Variants in SLC38A6 observed in about 807,000 individuals in gnomAD.
SLC38A6 encodes solute carrier family 38 member 6, also known as N system amino acid transporter NAT-1.
In SLC38A6, 73 loss-of-function variants were observed where a neutral mutation model predicts 65.0. The ratio of observed to expected loss-of-function variants is 1.12; its 90% CI spans 0.93 to 1.37. SLC38A6 has a LOEUF of 1.37. Among genes scored for constraint, SLC38A6 ranks in the 40% most tolerant of loss-of-function variants. The probability of loss-of-function intolerance (pLI) is 0.00; values close to 1 mark genes in which losing one functional copy is unlikely to be tolerated. For synonymous variants in SLC38A6, 183 were observed against 178.8 expected, an observed-to-expected ratio of 1.02 and a Z score of -0.19; for missense variants, 561 against 531.1, an observed-to-expected ratio of 1.06 and a Z score of -0.55.
intron 6 of SLC38A6, among the ~76,000 whole-genome samples, chr14:61,034,916 T>C (rs2139700289): frequency 6.6e-6 from 1 of 152,298 alleles, no homozygotes; most frequent in South Asian, 2.1e-4. Context: ...CTTCTCTTGT[T>C]CTGTTAAAGA....
At chr14:61,006,051 A>G (rs2039088481) in intron 3 of SLC38A6, among the ~76,000 whole-genome samples, 1 of 152,210 alleles carries the variant, frequency 6.6e-6, no homozygotes, top group African/African-American at 2.4e-5. Flanking sequence ...GATCTTTGAC[A>G]AACCTGAGAA....
intron 3 of SLC38A6, among the ~76,000 whole-genome samples, chr14:60,991,369 T>C (rs1259020806): frequency 6.6e-6 from 1 of 152,248 alleles, no homozygotes; most frequent in East Asian, 1.9e-4. Flanking sequence ...ACTTTATGAA[T>C]ATGAATATTC....
chr14:61,038,884 G>T (rs1471396309), intron 8 of SLC38A6, among the ~76,000 whole-genome samples: 2 of 152,096 alleles, frequency 1.3e-5, no homozygotes, highest in East Asian at 3.9e-4. Context: ...TAAGTGAATT[G>T]AACATACACT....
chr14:61,045,888 A>G, intron 11 of SLC38A6, among the ~76,000 whole-genome samples, 179 bp from the exon 12 acceptor site: 1 of 151,436 alleles, frequency 6.6e-6, no homozygotes, highest in Non-Finnish European at 1.5e-5. Flanking sequence ...TCTGTCTCAA[A>G]AAAAAAAAAA....
chr14:61,030,366 C>A, intron 5 of SLC38A6, 79 bp from the exon 6 acceptor site: 1 of 1,085,074 alleles, frequency 9.2e-7, no homozygotes, highest in Middle Eastern at 3.1e-4. Flanking sequence ...TAATGGACAT[C>A]TCTTTTCCTA....
chr14:61,075,773 CTGTT>C (rs2043380639), intron 15 of SLC38A6, among the ~76,000 whole-genome samples: 1 of 129,532 alleles, frequency 7.7e-6, no homozygotes, highest in Non-Finnish European at 1.6e-5. Flanking sequence ...ATAGATCAAC[CTGTT>C]TGTGTGTGTG....
chr14:61,079,004 C>G (rs898880748), intron 16 of SLC38A6: 2 of 154,124 alleles, frequency 1.3e-5, no homozygotes, highest in African/African-American at 2.4e-5. Context: ...AGGCTAGTCT[C>G]GAACTCCTGA....
rs563531581 is a variant in SLC38A6, at chr14:60,992,388, A to G, written c.310+7585A>G. Among the ~76,000 whole-genome samples, 125 of 152,290 alleles carry G rather than the reference A, an allele frequency of 8.2e-4. 1 individual carries two copies. Among genetic ancestry groups the G allele is most frequent in the Non-Finnish European group, 1.6e-3 (107 of 68,034 alleles). On this transcript the variant is annotated intron_variant, in intron 3 of 15. Coordinates refer to ENST00000267488, the MANE Select transcript of SLC38A6 (RefSeq NM_153811.3). ...TCTCCTTCACCTCGTACATTCACCC[A>G]GTTATAAATTAATTTTGTAAATATT...
At chr14:61,028,902 T>C (rs2139648127) in intron 5 of SLC38A6, among the ~76,000 whole-genome samples, 1 of 152,272 alleles carries the variant, frequency 6.6e-6, no homozygotes, top group East Asian at 1.9e-4. Context: ...ATCCTTTTTT[T>C]CCTCAAGTTA....
At chr14:60,994,241 A>G (rs947028704) in intron 3 of SLC38A6, among the ~76,000 whole-genome samples, 3 of 152,234 alleles carry the variant, frequency 2.0e-5, no homozygotes, top group Admixed American at 2.0e-4. Flanking sequence ...ATGGGATATT[A>G]TTCAGCACTA....
intron 3 of SLC38A6, among the ~76,000 whole-genome samples, chr14:60,995,894 A>G (rs2139331180): frequency 6.6e-6 from 1 of 152,354 alleles, no homozygotes; most frequent in Non-Finnish European, 1.5e-5. Context: ...GTGAATAGGC[A>G]GAGCACCCTC....
At chr14:60,997,950 T>C (rs1438995582) in intron 3 of SLC38A6, among the ~76,000 whole-genome samples, 1 of 152,004 alleles carries the variant, frequency 6.6e-6, no homozygotes, top group Non-Finnish European at 1.5e-5. Context: ...GGCTAGAAAT[T>C]CATTCATTCA....
At chr14:61,053,236 G>GAT (rs200194509), downstream of SLC38A6, among the ~76,000 whole-genome samples, 1,318 of 152,062 alleles carry the variant, frequency 8.7e-3, 23 homozygotes, top group African/African-American at 0.029. Flanking sequence ...AGTATTCCAT[G>GAT]ATATATATAT....
At chr14:61,061,824 T>TG (rs1312322629) in intron 15 of SLC38A6, among the ~76,000 whole-genome samples, 1 of 6,072 alleles carries the variant, frequency 1.6e-4, no homozygotes, top group African/African-American at 2.2e-4. Context: ...CGTGTGCAGG[T>TG]TTTTTTGTTT....
At chr14:61,013,130 AT>A (rs2039708918) in intron 3 of SLC38A6, among the ~76,000 whole-genome samples, 1 of 152,086 alleles carries the variant, frequency 6.6e-6, no homozygotes, top group African/African-American at 2.4e-5. Flanking sequence ...TCCCTTTACC[AT>A]TATGTAATGG....
intron 3 of SLC38A6, among the ~76,000 whole-genome samples, chr14:60,993,801 A>G (rs1194546406): frequency 1.3e-5 from 2 of 152,366 alleles, no homozygotes; most frequent in African/African-American, 4.8e-5. Context: ...ATAGCCAAGT[A>G]TCACCAGATA....
intron 8 of SLC38A6, among the ~76,000 whole-genome samples, chr14:61,042,929 G>A (rs972057554): frequency 3.3e-5 from 5 of 152,052 alleles, no homozygotes; most frequent in African/African-American, 1.2e-4. Context: ...GTCTTTAATG[G>A]GGGAGATCTC....
rs1375494901 is a variant in SLC38A6 at position 61,052,616 on chromosome 14, C to T, written c.*187C>T. On this transcript the variant is annotated 3_prime_UTR_variant, in exon 16 of 16. Transcript: ENST00000267488. ...TTTTAATCAAAAAAAGAAACAAACTCGAAATGCTCTTAAATATATTGGGTT... is the reference window on the plus strand; with the variant it reads ...TTTTAATCAAAAAAAGAAACAAACTTGAAATGCTCTTAAATATATTGGGTT... 3.9e-5 allele frequency: 26 copies of T among 664,870 alleles called. No individual in the cohort carries two copies. Among genetic ancestry groups the T allele is most frequent in the Middle Eastern group, 4.9e-4 (1 of 2,046 alleles). 41.2% of individuals were successfully genotyped at this position (664,870 alleles called of 1,614,324 possible).
intron 12 of SLC38A6, among the ~76,000 whole-genome samples, chr14:61,046,663 A>T (rs554327165): frequency 1.3e-5 from 2 of 152,192 alleles, no homozygotes; most frequent in Admixed American, 1.3e-4. Flanking sequence ...TGTGCATTCT[A>T]TGATGCACCA....
Sources: gnomAD v4.1 joint callset for allele counts (sites outside exome capture counted in the v4.1 genomes callset) on GRCh38, gnomAD v4.1.1 for gene constraint, MANE v1.5 for transcripts, NCBI Gene and HGNC (gene_info 2026-07-23, HGNC 2026-07-21) for gene names.